Variants in RAPGEF1 observed in about 807,000 individuals in gnomAD.
RAPGEF1 encodes the protein Rap guanine nucleotide exchange factor 1, also known as CRK SH3-binding GNRP.
A neutral mutation model predicts 143.3 loss-of-function variants in RAPGEF1; 33 were observed. That is an observed-to-expected ratio of 0.23 (90% CI 0.17 to 0.31). The LOEUF is 0.31. Ranked by LOEUF, RAPGEF1 falls within the 10% of genes least tolerant of loss-of-function variation. RAPGEF1 has a pLI of 1.00. For missense variants in RAPGEF1, 1,199 were observed against 1,645.4 expected (o/e 0.73, Z 4.69); for synonymous variants, 629 against 676.5 (o/e 0.93, Z 1.09).
intron 1 of RAPGEF1, among the ~76,000 whole-genome samples, chr9:131,654,494 T>G (rs1291720173): frequency 6.6e-6 from 1 of 152,160 alleles, no homozygotes; most frequent in Non-Finnish European, 1.5e-5. Flanking sequence ...GAGGATCACT[T>G]GAGCCCAGGA....
intron 1 of RAPGEF1, among the ~76,000 whole-genome samples, chr9:131,660,636 G>C (rs1036250354): frequency 6.6e-6 from 1 of 152,168 alleles, no homozygotes. Flanking sequence ...CTGCGCCCTT[G>C]TATGGTGAGA....
At chr9:131,673,515 A>G (rs1831741223) in intron 1 of RAPGEF1, among the ~76,000 whole-genome samples, 1 of 152,252 alleles carries the variant, frequency 6.6e-6, no homozygotes, top group Admixed American at 6.5e-5. Flanking sequence ...CACCTTTTAC[A>G]TTTAAGATGG....
rs1373426389 is a variant in RAPGEF1, at chr9:131,628,511, T to C, written c.1017+38A>G. On this transcript the variant is annotated intron_variant, in intron 8 of 26. Coordinates refer to ENST00000683357, the MANE Select transcript of RAPGEF1 (RefSeq NM_001377935.1). This position sits in a 1 kb window ranked among gnomAD's most constrained non-coding sequence, Gnocchi z 5.7. ...CCACATCCCTGAGCCCCCCACCCCC[T>C]CCCTGCCTTCCCATGCAGGGAACAG... 3.7e-6 allele frequency: 6 copies of C among 1,601,976 alleles called. No individual in the cohort carries two copies. Among genetic ancestry groups the C allele is most frequent in the Non-Finnish European group, 5.1e-6 (6 of 1,171,244 alleles).
intron 26 of RAPGEF1, among the ~76,000 whole-genome samples, chr9:131,579,908 A>G (rs1951602127): frequency 6.6e-6 from 1 of 152,192 alleles, no homozygotes; most frequent in African/African-American, 2.4e-5. Context: ...TGCCCCCAAC[A>G]ACGCATGCCA....
chr9:131,725,889 G>C (rs961168943), intron 1 of RAPGEF1, among the ~76,000 whole-genome samples: 2 of 151,642 alleles, frequency 1.3e-5, no homozygotes, highest in African/African-American at 4.8e-5. Context: ...CTCCCGAGTA[G>C]CTGGGACTAC....
Position 131,655,843 on chromosome 9 carries a change from T to A in RAPGEF1, c.62-4894A>T, listed in dbSNP as rs1373704371. On this transcript the variant is annotated intron_variant, in intron 1 of 26. Transcript: ENST00000683357. This position sits in a 1 kb window ranked among gnomAD's most constrained non-coding sequence, Gnocchi z 4.1. Reference sequence around the variant, plus strand: ...ACCTCGTGATCCACCTGCCTTGGCCTCCCAAAGTGCTGAGATTACAGGTGT... The same window carrying A: ...ACCTCGTGATCCACCTGCCTTGGCCACCCAAAGTGCTGAGATTACAGGTGT... 2.0e-5 allele frequency among the ~76,000 whole-genome samples: 3 copies of A among 152,090 alleles called. No homozygotes were observed. The highest frequency in any genetic ancestry group is 4.4e-5 in the Non-Finnish European group (3 of 68,022).
intron 1 of RAPGEF1, among the ~76,000 whole-genome samples, chr9:131,726,799 C>A (rs181363799): frequency 1.3e-5 from 2 of 152,066 alleles, no homozygotes; most frequent in African/African-American, 2.4e-5. Context: ...AACTTTATAC[C>A]CCACTAGCCT....
chr9:131,591,986 C>A (rs1954359250), intron 18 of RAPGEF1, 113 bp downstream of exon 18: 1 of 779,946 alleles, frequency 1.3e-6, no homozygotes, highest in Non-Finnish European at 2.1e-6. Context: ...TTCAATCACA[C>A]TGCCACCCAA....
chr9:131,725,883 C>T (rs1395463000), intron 1 of RAPGEF1, among the ~76,000 whole-genome samples: 1 of 148,706 alleles, frequency 6.7e-6, no homozygotes, highest in Non-Finnish European at 1.5e-5. Flanking sequence ...CTCAGCCTCC[C>T]GAGTAGCTGG....
chr9:131,639,374 T>C (rs151319254), intron 4 of RAPGEF1, among the ~76,000 whole-genome samples: 22 of 151,846 alleles, frequency 1.4e-4, no homozygotes, highest in African/African-American at 4.6e-4. Context: ...ATTTTGAGAA[T>C]AGCAAATCAG....
chr9:131,639,181 T>C (rs1967010808), intron 4 of RAPGEF1, among the ~76,000 whole-genome samples: 1 of 152,164 alleles, frequency 6.6e-6, no homozygotes, highest in Admixed American at 6.6e-5. Flanking sequence ...TACTGATTGT[T>C]AGCAATTAGA....
At chr9:131,581,357 G>A (rs1195832558) in intron 25 of RAPGEF1, among the ~76,000 whole-genome samples, 2 of 151,926 alleles carry the variant, frequency 1.3e-5, no homozygotes, top group Middle Eastern at 3.2e-3. Context: ...TTGCACCACT[G>A]CACTCCAGCC....
chr9:131,726,919 C>A (rs1340799618), intron 1 of RAPGEF1, among the ~76,000 whole-genome samples: 1 of 152,080 alleles, frequency 6.6e-6, no homozygotes, highest in African/African-American at 2.4e-5. Flanking sequence ...TTGAAAGACT[C>A]CTTGAGCTCA....
At position 131,605,190 on chromosome 9, in the gene RAPGEF1, T is replaced by TA. The variant is rs1024333649; in HGVS notation, c.2062-3dup. The TA allele has an allele frequency of 7.6e-7, 1 of 1,320,160 alleles. No homozygotes were observed. The highest frequency in any genetic ancestry group is 2.2e-5 in the Admixed American group (1 of 45,666). 81.8% of individuals were successfully genotyped at this position (1,320,160 alleles called of 1,614,324 possible). A position where few individuals can be genotyped will look rare whatever the true frequency, so the allele number is the denominator to read the frequency against. ...GTAGGACCTAAACACAGACTTATAC[T>TA]ACAGAATCCAGGTGGAGAACAAACA... On this transcript the variant is annotated splice_region_variant and splice_polypyrimidine_tract_variant and intron_variant, in intron 12 of 26. Coordinates refer to ENST00000683357, the MANE Select transcript of RAPGEF1 (RefSeq NM_001377935.1).
At chr9:131,670,203 G>A (rs1183609447) in intron 1 of RAPGEF1, among the ~76,000 whole-genome samples, 1 of 152,192 alleles carries the variant, frequency 6.6e-6, no homozygotes, top group Non-Finnish European at 1.5e-5. Context: ...AGTACCCTAA[G>A]GATTGTTCAA....
chr9:131,708,925 G>A lies in RAPGEF1; in HGVS notation c.61+30845C>T, dbSNP rs568136833. 2.6e-5 allele frequency among the ~76,000 whole-genome samples: 4 copies of A among 152,270 alleles called. No individual in the cohort carries two copies. In the South Asian group the frequency reaches 8.3e-4, roughly 32 times the overall value. On this transcript the variant is annotated intron_variant, in intron 1 of 26. Transcript: ENST00000683357. ...TTTTTGTATTATTAGTAGAGACGGGGTTTCGCCAGGTTGGCCAGGCTGGAC... is the reference window on the plus strand; with the variant it reads ...TTTTTGTATTATTAGTAGAGACGGGATTTCGCCAGGTTGGCCAGGCTGGAC...
intron 1 of RAPGEF1, among the ~76,000 whole-genome samples, chr9:131,705,450 A>G (rs1235496471): frequency 5.3e-5 from 8 of 152,146 alleles, no homozygotes; most frequent in Non-Finnish European, 1.2e-4. Flanking sequence ...GAGGAAAGCG[A>G]GGGCATTTGG....
rs1230349419 is a variant in RAPGEF1, at chr9:131,650,002, GC to G, written c.315+126del. 4.2e-6 allele frequency: 3 copies of G among 707,428 alleles called. No individual in the cohort carries two copies. Among genetic ancestry groups the G allele is most frequent in the Non-Finnish European group, 6.9e-6 (3 of 431,772 alleles). 43.8% of individuals were successfully genotyped at this position (707,428 alleles called of 1,614,324 possible). On this transcript the variant is annotated intron_variant, in intron 3 of 26. Transcript: ENST00000683357. This position sits in a 1 kb window ranked among gnomAD's most constrained non-coding sequence, Gnocchi z 4.7. ...CCTGGACTCTTTCCTGAACAATTCA[GC>G]CCACGGTCACCACCCAGTTGAACAT...
chr9:131,654,876 A>G (rs1172851521), intron 1 of RAPGEF1, among the ~76,000 whole-genome samples: 1 of 152,250 alleles, frequency 6.6e-6, no homozygotes, highest in Non-Finnish European at 1.5e-5. Flanking sequence ...TAGTAACAGC[A>G]GAAATACTTG....
Sources: allele counts gnomAD v4.1 joint callset (sites outside exome capture counted in the v4.1 genomes callset), GRCh38; gene constraint gnomAD v4.1.1; non-coding constraint Gnocchi (gnomAD v3.1); transcripts MANE v1.5; gene names NCBI Gene and HGNC (gene_info 2026-07-23, HGNC 2026-07-21).